The following GPR107 variants were observed in gnomAD, a reference collection of about 807,000 sequenced individuals.
GPR107 encodes the protein G protein-coupled receptor 107, also known as protein GPR107.
GPR107 carries 31 observed loss-of-function variants against 75.5 expected under a neutral mutation model. That is an observed-to-expected ratio of 0.41 (90% CI 0.31 to 0.55). The LOEUF (loss-of-function observed/expected upper bound fraction) is 0.55, where lower values mean the gene tolerates loss of function less well. GPR107 is among the 20% of genes least tolerant of loss of function. The probability of loss-of-function intolerance (pLI) is 0.26; values close to 1 mark genes in which losing one functional copy is unlikely to be tolerated. For synonymous variants in GPR107, 267 were observed against 251.3 expected, an observed-to-expected ratio of 1.06 and a Z score of -0.59; for missense variants, 572 against 665.7, an observed-to-expected ratio of 0.86 and a Z score of 1.55.
intron 14 of GPR107, 106 bp from the exon 15 acceptor site, chr9:130,124,809 C>T (rs1831632608): frequency 3.0e-6 from 2 of 676,178 alleles, no homozygotes; most frequent in African/African-American, 1.9e-5. Context: ...GAGTGGTCCT[C>T]ATCTGCATTA....
chr9:130,139,780 A>G lies in GPR107; in HGVS notation c.*4659A>G, dbSNP rs1832052864. On this transcript the variant is annotated 3_prime_UTR_variant, in exon 18 of 18. Coordinates refer to ENST00000347136, the MANE Select transcript of GPR107 (RefSeq NM_020960.5). ...CCAGATGAGGCGGTGAGCCTCCAGA[A>G]GGTCAGCCTTTGGAGCACGTAAGAT... 1.3e-5 allele frequency: 2 copies of G among 152,260 alleles called. No homozygotes were observed. The highest frequency in any genetic ancestry group is 4.8e-5 in the African/African-American group (2 of 41,470). The allele number at this position is 152,260 out of a possible 1,614,324, so 9.4% of individuals were successfully genotyped here.
At chr9:130,056,652 G>A (rs986714994) in intron 1 of GPR107, among the ~76,000 whole-genome samples, 3 of 151,426 alleles carry the variant, frequency 2.0e-5, no homozygotes, top group African/African-American at 7.3e-5. Context: ...TTGGCTGGGC[G>A]CAGTGGCTCA....
chr9:130,074,301 G>A (rs1241663196), intron 1 of GPR107, among the ~76,000 whole-genome samples: 1 of 152,174 alleles, frequency 6.6e-6, no homozygotes, highest in African/African-American at 2.4e-5. Flanking sequence ...CTGCTCCACA[G>A]CCTGTCCTCA....
chr9:130,119,069 G>A (rs1317766634), intron 14 of GPR107, among the ~76,000 whole-genome samples: 1 of 152,240 alleles, frequency 6.6e-6, no homozygotes, highest in African/African-American at 2.4e-5. Context: ...CCACAGTCCG[G>A]TGAGCAGCAG....
intron 14 of GPR107, among the ~76,000 whole-genome samples, chr9:130,119,818 GTTT>G (rs869222207): frequency 1.9e-5 from 1 of 53,622 alleles, no homozygotes; most frequent in Non-Finnish European, 3.6e-5. Context: ...TTTTTAGTCT[GTTT>G]TTTTTGTTTG....
intron 14 of GPR107, among the ~76,000 whole-genome samples, chr9:130,115,417 A>G (rs1831397729): frequency 1.3e-5 from 2 of 150,850 alleles, no homozygotes; most frequent in African/African-American, 4.9e-5. Context: ...TATCACTTCC[A>G]CTGGAATGGA....
At chr9:130,075,453 C>G (rs1220298955) in intron 1 of GPR107, among the ~76,000 whole-genome samples, 183 bp from the exon 2 acceptor site, 1 of 152,036 alleles carries the variant, frequency 6.6e-6, no homozygotes, top group South Asian at 2.1e-4. Flanking sequence ...GCCATGTTGG[C>G]CAGTGTGGTC....
chr9:130,095,187 A>G (rs1830834354), intron 9 of GPR107, among the ~76,000 whole-genome samples: 1 of 151,976 alleles, frequency 6.6e-6, no homozygotes, highest in Non-Finnish European at 1.5e-5. Context: ...CCTTCCTGTA[A>G]GAGTCTTGGA....
At chr9:130,116,976 C>T (rs1248452375) in intron 14 of GPR107, among the ~76,000 whole-genome samples, 3 of 146,610 alleles carry the variant, frequency 2.0e-5, no homozygotes, top group Non-Finnish European at 4.5e-5. Flanking sequence ...GACAGAGTTT[C>T]GCTCTTATTG....
rs1214216427 is a variant in GPR107, at chr9:130,103,287, C to T, written c.1132-1133C>T. ...GTCCTGTATAGAAAGAGAAATTAAA[C>T]TTAGAGACTTCCTAAATAATAGCAC... On this transcript the variant is annotated intron_variant, in intron 12 of 17. Transcript: ENST00000347136. The surrounding 1 kb of genome is among the most constrained non-coding windows in gnomAD (Gnocchi z 4.3). 6.6e-6 allele frequency among the ~76,000 whole-genome samples: 1 copy of T among 152,152 alleles called. No homozygotes were observed. Among genetic ancestry groups the T allele is most frequent in the Non-Finnish European group, 1.5e-5 (1 of 68,028 alleles).
rs1389395349 is a variant in GPR107 at position 130,136,433 on chromosome 9, T to C, written c.*1312T>C. The C allele has an allele frequency of 6.6e-6, 1 of 152,216 alleles. No homozygotes were observed. The highest frequency in any genetic ancestry group is 1.5e-5 in the Non-Finnish European group (1 of 68,036). 9.4% of individuals were successfully genotyped at this position (152,216 alleles called of 1,614,324 possible). On this transcript the variant is annotated 3_prime_UTR_variant, in exon 18 of 18. Coordinates refer to ENST00000347136, the MANE Select transcript of GPR107 (RefSeq NM_020960.5). ...TGGCCCCATCAGGGAAGCTTCTTAA[T>C]GCTTGGGGGGCCAGCTAGGTAGGGT... is the stretch of plus-strand genomic sequence containing the variant.
At chr9:130,105,224 C>T (rs1019884271) in intron 13 of GPR107, among the ~76,000 whole-genome samples, 1 of 151,910 alleles carries the variant, frequency 6.6e-6, no homozygotes, top group African/African-American at 2.4e-5. Flanking sequence ...AAAATAGATT[C>T]ACCCCGGCCT....
intron 5 of GPR107, 144 bp downstream of exon 5, chr9:130,079,913 T>G (rs926562263): frequency 1.2e-5 from 6 of 494,150 alleles, no homozygotes; most frequent in Non-Finnish European, 2.1e-5. Context: ...ACGTAAATGT[T>G]AAAGAAAAAT....
At chr9:130,120,652 G>C (rs1019050945) in intron 14 of GPR107, among the ~76,000 whole-genome samples, 1 of 152,120 alleles carries the variant, frequency 6.6e-6, no homozygotes, top group Admixed American at 6.5e-5. Flanking sequence ...GCTCTGCATC[G>C]ATGGACATCT....
At chr9:130,133,237 G>A (rs1194000489) in intron 17 of GPR107, 2 of 152,188 alleles carry the variant, frequency 1.3e-5, no homozygotes, top group South Asian at 2.1e-4. Context: ...TTCTCACTTG[G>A]CCCACCATGT....
intron 14 of GPR107, among the ~76,000 whole-genome samples, chr9:130,111,132 C>T (rs1252361650): frequency 1.3e-5 from 2 of 152,020 alleles, no homozygotes; most frequent in African/African-American, 4.8e-5. Context: ...GCTGGCATTA[C>T]AGGTGTGAGC....
chr9:130,075,304 G>A (rs1193613791), intron 1 of GPR107, among the ~76,000 whole-genome samples: 4 of 137,892 alleles, frequency 2.9e-5, no homozygotes, highest in Non-Finnish European at 6.0e-5. Context: ...GAGTGCAGTG[G>A]CATGATCTCG....
chr9:130,100,024 A>G (rs1287209006), intron 10 of GPR107, among the ~76,000 whole-genome samples: 1 of 150,780 alleles, frequency 6.6e-6, no homozygotes, highest in Admixed American at 6.6e-5. Context: ...TCTCCCGAGT[A>G]GCTGGGACTA....
intron 9 of GPR107, among the ~76,000 whole-genome samples, chr9:130,098,249 T>A (rs574325331): frequency 6.6e-6 from 1 of 152,244 alleles, no homozygotes; most frequent in South Asian, 2.1e-4. Flanking sequence ...TAGAGGAATT[T>A]AATGCCCGGC....
Sources: allele counts gnomAD v4.1 joint callset (sites outside exome capture counted in the v4.1 genomes callset), GRCh38; gene constraint gnomAD v4.1.1; non-coding constraint Gnocchi (gnomAD v3.1); transcripts MANE v1.5; gene names NCBI Gene and HGNC (gene_info 2026-07-23, HGNC 2026-07-21).